LIMS1: variants seen among roughly 807,000 people sequenced by gnomAD.
LIMS1 encodes the protein LIM and senescent cell antigen-like-containing domain protein 1.
Under a neutral mutation model 44.1 loss-of-function variants are expected in LIMS1, and 18 were observed. The observed-to-expected ratio is 0.41, with a 90% CI of 0.28 to 0.61. LIMS1 has a LOEUF of 0.61. LIMS1 is among the 20% of genes least tolerant of loss of function. The pLI is 0.32. For missense variants in LIMS1, 201 were observed against 422.0 expected (o/e 0.48, Z 4.59); for synonymous variants, 93 against 149.1 (o/e 0.62, Z 2.74).
chr2:108,681,209 T>A, intron 9 of LIMS1: 1 of 1,253,622 alleles, frequency 8.0e-7, no homozygotes, highest in Non-Finnish European at 1.0e-6. Flanking sequence ...TTTTGCTTTC[T>A]TCCCCCCCTG....
chr2:108,617,050 A>G (rs955988425), intron 1 of LIMS1, among the ~76,000 whole-genome samples: 4 of 152,220 alleles, frequency 2.6e-5, no homozygotes, highest in African/African-American at 9.6e-5. Flanking sequence ...ACACAGGGAA[A>G]TTAATGGCCT....
chr2:108,605,191 T>C (rs900251707), intron 1 of LIMS1, among the ~76,000 whole-genome samples: 3 of 152,156 alleles, frequency 2.0e-5, no homozygotes, highest in African/African-American at 7.2e-5. Context: ...CACCCATTGT[T>C]TAGGGGCAGC....
At chr2:108,598,308 C>T (rs1344131021) in intron 1 of LIMS1, among the ~76,000 whole-genome samples, 4 of 152,088 alleles carry the variant, frequency 2.6e-5, no homozygotes, top group African/African-American at 4.8e-5. Context: ...CATTTATAAA[C>T]GAATTTGTGT....
At chr2:108,637,189 C>G (rs1470946950) in intron 1 of LIMS1, among the ~76,000 whole-genome samples, 1 of 146,612 alleles carries the variant, frequency 6.8e-6, no homozygotes, top group African/African-American at 2.5e-5. Flanking sequence ...TTTTCAAATG[C>G]TGTTTAATGC....
chr2:108,625,268 A>T (rs1365047064), intron 1 of LIMS1, among the ~76,000 whole-genome samples: 1 of 152,186 alleles, frequency 6.6e-6, no homozygotes, highest in East Asian at 1.9e-4. Context: ...TCCACAAATG[A>T]AGTTTTACTG....
Position 108,618,113 on chromosome 2 carries a change from CCATGGGGAAAATGA to C in LIMS1, c.33-41490_33-41477del, listed in dbSNP as rs1263602811. Among the ~76,000 whole-genome samples, 4 of 152,038 alleles carry C rather than the reference CCATGGGGAAAATGA, an allele frequency of 2.6e-5. No homozygotes were observed. In the East Asian group the frequency reaches 7.7e-4, roughly 29 times the overall value. ...TCATAGATATTGTATAGGGATGAGG[CCATGGGGAAAATGA>C]CGGTGGGGAATTCTGCATTGAATGA... On this transcript the variant is annotated intron_variant, in intron 1 of 9. Transcript: ENST00000544547.
At chr2:108,559,590 T>C (rs977122136) in intron 1 of LIMS1, among the ~76,000 whole-genome samples, 1 of 152,200 alleles carries the variant, frequency 6.6e-6, no homozygotes, top group African/African-American at 2.4e-5. Context: ...CTAATCTCTT[T>C]ATAGGATCAC....
chr2:108,672,338 T>C, exon 4 of LIMS1: 1 of 1,337,322 alleles, frequency 7.5e-7, no homozygotes, highest in Non-Finnish European at 1.0e-6. Flanking sequence ...AATTCATCAT[T>C]GGCCGAGTTA....
At chr2:108,665,606 A>G (rs1691696682) in intron 2 of LIMS1, among the ~76,000 whole-genome samples, 1 of 152,002 alleles carries the variant, frequency 6.6e-6, no homozygotes, top group African/African-American at 2.4e-5. Context: ...GGCTCACTGC[A>G]ACCTCCACCT....
At chr2:108,568,742 A>G (rs1042748824) in intron 1 of LIMS1, among the ~76,000 whole-genome samples, 3 of 152,122 alleles carry the variant, frequency 2.0e-5, no homozygotes, top group Admixed American at 2.0e-4. Context: ...GTGTGAGGTG[A>G]TGTTTCATTG....
At chr2:108,669,222 A>G (rs1691995701) in intron 2 of LIMS1, among the ~76,000 whole-genome samples, 1 of 152,080 alleles carries the variant, frequency 6.6e-6, no homozygotes, top group Admixed American at 6.6e-5. Context: ...AGCCTGGCCA[A>G]CATGGTGAAA....
At chr2:108,668,443 CACATATGAGTGAGATCATGTAG>C (rs976648973) in intron 2 of LIMS1, among the ~76,000 whole-genome samples, 7 of 152,114 alleles carry the variant, frequency 4.6e-5, no homozygotes, top group African/African-American at 1.7e-4. Flanking sequence ...CTTTAGATTC[CACATATGAGTGAGATCATGTAG>C]TATTTGTCCT....
At chr2:108,632,353 T>C (rs373177868) in intron 1 of LIMS1, among the ~76,000 whole-genome samples, 4 of 152,230 alleles carry the variant, frequency 2.6e-5, no homozygotes, top group Non-Finnish European at 5.9e-5. Context: ...CTAAGTACCT[T>C]GTGTCAGTGA....
At chr2:108,638,207 T>C (rs550127882) in intron 1 of LIMS1, among the ~76,000 whole-genome samples, 1 of 152,122 alleles carries the variant, frequency 6.6e-6, no homozygotes, top group East Asian at 1.9e-4. Context: ...GAAAAAAAAA[T>C]TGTGAGGTGG....
intron 6 of LIMS1, 30 bp downstream of exon 6, chr2:108,676,058 T>C (rs1305495226): frequency 1.9e-6 from 3 of 1,586,840 alleles, no homozygotes; most frequent in Non-Finnish European, 2.6e-6. Context: ...GGGTAACCAA[T>C]CCTTTCAAAT....
At chr2:108,539,886 T>C (rs1438739564) in intron 1 of LIMS1, among the ~76,000 whole-genome samples, 1 of 152,180 alleles carries the variant, frequency 6.6e-6, no homozygotes, top group Non-Finnish European at 1.5e-5. Flanking sequence ...TCCCTCCCTA[T>C]AGCCACCTTC....
intron 9 of LIMS1, among the ~76,000 whole-genome samples, chr2:108,682,041 CTCT>C (rs780687107): frequency 2.7e-4 from 41 of 152,136 alleles, no homozygotes; most frequent in Non-Finnish European, 5.4e-4. Flanking sequence ...TGTCTTCAAA[CTCT>C]TTTTTTATTC....
chr2:108,572,146 T>A (rs977610939), intron 1 of LIMS1, among the ~76,000 whole-genome samples: 3 of 150,592 alleles, frequency 2.0e-5, no homozygotes, highest in Non-Finnish European at 4.4e-5. Context: ...GGACTGGGCT[T>A]TTTTTTTTAT....
At chr2:108,604,976 G>A (rs973267509) in intron 1 of LIMS1, among the ~76,000 whole-genome samples, 3 of 152,208 alleles carry the variant, frequency 2.0e-5, no homozygotes, top group Non-Finnish European at 2.9e-5. Context: ...GGATACTGAA[G>A]CTTGCTCCCT....
Sources: gnomAD v4.1 joint callset for allele counts (sites outside exome capture counted in the v4.1 genomes callset) on GRCh38, gnomAD v4.1.1 for gene constraint, MANE v1.5 for transcripts, NCBI Gene and HGNC (gene_info 2026-07-23, HGNC 2026-07-21) for gene names.